The following LOXL4 variants were observed in gnomAD, a reference collection of about 807,000 sequenced individuals.
The protein encoded by LOXL4 is lysyl oxidase homolog 4.
Under a neutral mutation model 89.1 loss-of-function variants are expected in LOXL4, and 72 were observed. That is an observed-to-expected ratio of 0.81 (90% CI 0.67 to 0.98). The LOEUF (loss-of-function observed/expected upper bound fraction) is 0.98. Ranked by LOEUF, LOXL4 falls within the 50% of genes least tolerant of loss-of-function variation. The pLI is 0.00. For missense variants in LOXL4, 984 were observed against 1,017.5 expected, an observed-to-expected ratio of 0.97 and a Z score of 0.45; for synonymous variants, 355 against 392.1, an observed-to-expected ratio of 0.91 and a Z score of 1.12.
At chr10:98,254,562 G>T (rs191650226) in intron 10 of LOXL4, among the ~76,000 whole-genome samples, 1 of 152,366 alleles carries the variant, frequency 6.6e-6, no homozygotes, top group African/African-American at 2.4e-5. Flanking sequence ...AATGAGAAGA[G>T]AGAGTAAAGG....
chr10:98,255,341 C>T lies in LOXL4; in HGVS notation c.1591+236G>A, dbSNP rs370711927. ...AACCCAAAGTTGAAAACCGCCGTTC[C>T]GTGTCCTTGTGCTTCCTCATGTTCT... On this transcript the variant is annotated intron_variant, in intron 10 of 14. Transcript: ENST00000260702. Among the ~76,000 whole-genome samples, 7 of 152,330 alleles carry T rather than the reference C, an allele frequency of 4.6e-5. 1 individual carries two copies. In the South Asian group the frequency reaches 1.2e-3, roughly 27 times the overall value.
At chr10:98,263,817 C>T (rs1413209084) in intron 1 of LOXL4, among the ~76,000 whole-genome samples, 10 of 151,606 alleles carry the variant, frequency 6.6e-5, no homozygotes, top group East Asian at 5.8e-4. Context: ...CTGCAACCTC[C>T]GCCTCCCAGG....
At chr10:98,250,150 G>A (rs1277546931) in intron 14 of LOXL4, among the ~76,000 whole-genome samples, 2 of 152,282 alleles carry the variant, frequency 1.3e-5, no homozygotes, top group Non-Finnish European at 2.9e-5. Flanking sequence ...GACTGGATTC[G>A]GGTGACGCCT....
intron 14 of LOXL4, among the ~76,000 whole-genome samples, chr10:98,249,771 C>T (rs1479048366): frequency 6.6e-6 from 1 of 152,204 alleles, no homozygotes; most frequent in Non-Finnish European, 1.5e-5. Flanking sequence ...GGAGGATCTG[C>T]TGTCTCCGTG....
In LOXL4 at chr10:98,257,976, C is replaced by G; in HGVS notation, c.1105+5G>C. On this transcript the variant is annotated splice_donor_5th_base_variant and intron_variant, in intron 7 of 14. Transcript: ENST00000260702. ...TTCTAACCCCTCCCAGGCTGTCTCACTCACCTTGGCCCAGCCGGGCCCCAA... is the reference window on the plus strand; with the variant it reads ...TTCTAACCCCTCCCAGGCTGTCTCAGTCACCTTGGCCCAGCCGGGCCCCAA... 3 of 1,613,494 alleles carry G rather than the reference C, an allele frequency of 1.9e-6. No homozygotes were observed. Among genetic ancestry groups the G allele is most frequent in the South Asian group, 2.2e-5 (2 of 91,038 alleles).
At chr10:98,253,884 G>A in intron 10 of LOXL4, 88 bp from the exon 11 acceptor site, 1 of 1,551,932 alleles carries the variant, frequency 6.4e-7, no homozygotes, top group Non-Finnish European at 8.7e-7. Context: ...CTTGCCCCCA[G>A]ATTAAACCCT....
intron 2 of LOXL4, 93 bp downstream of exon 2, chr10:98,262,650 G>C: frequency 6.9e-7 from 1 of 1,457,386 alleles, no homozygotes; most frequent in Non-Finnish European, 9.4e-7. Flanking sequence ...CACATGAGCA[G>C]GGTATTAAAG....
chr10:98,258,283 G>A lies in LOXL4; in HGVS notation c.922-119C>T, dbSNP rs186648474. On this transcript the variant is annotated intron_variant, in intron 6 of 14. Coordinates refer to ENST00000260702, the MANE Select transcript of LOXL4 (RefSeq NM_032211.7). The stretch of plus-strand genomic sequence containing the variant: ...GTTCCATGGCGGTGGCCAGAGCCAA[G>A]GATGGGGAGTTCCAGTCCTGCTTCT... The A allele has an allele frequency of 8.9e-4, 910 of 1,020,298 alleles. 1 individual carries two copies. Among genetic ancestry groups the A allele is most frequent in the Non-Finnish European group, 1.1e-3 (782 of 718,980 alleles). The allele number at this position is 1,020,298 out of a possible 1,614,324, so 63.2% of individuals were successfully genotyped here.
At position 98,257,985 on chromosome 10, in the gene LOXL4, G is replaced by A. The variant is rs1361136767; in HGVS notation, c.1101C>T (p.Gly367=). ...AREALFGARL[G]QGLGPIHLSE... The stretch of plus-strand genomic sequence containing the variant: ...CTCCCAGGCTGTCTCACTCACCTTG[G>A]CCCAGCCGGGCCCCAAAGAGGGCCT... The change falls in exon 7 of 15, where the codon GGC becomes GGT. Residue 367 remains glycine, a synonymous_variant. Coordinates refer to ENST00000260702, the MANE Select transcript of LOXL4 (RefSeq NM_032211.7). The A allele has an allele frequency of 3.7e-6, 6 of 1,613,660 alleles. No individual in the cohort carries two copies. The East Asian group carries it at 1.1e-4, about 30-fold the overall frequency.
chr10:98,257,578 G>A (rs1258315068), intron 8 of LOXL4, 72 bp downstream of exon 8: 10 of 1,528,746 alleles, frequency 6.5e-6, no homozygotes, highest in African/African-American at 2.7e-5. Context: ...CCGCTAGCTC[G>A]ATGTGGTGTC....
intron 5 of LOXL4, 31 bp from the exon 6 acceptor site, chr10:98,259,259 A>C (rs756379943): frequency 1.3e-6 from 2 of 1,599,400 alleles, no homozygotes; most frequent in East Asian, 4.5e-5. Flanking sequence ...AGGGTGGAGG[A>C]AGGGCTGAGG....
intron 11 of LOXL4, 144 bp downstream of exon 11, chr10:98,253,409 C>T: frequency 8.6e-7 from 1 of 1,166,700 alleles, no homozygotes; most frequent in Non-Finnish European, 1.2e-6. Context: ...GCTGTCCTCA[C>T]TGCCTCCTGC....
At chr10:98,254,282 C>T (rs896445259) in intron 10 of LOXL4, among the ~76,000 whole-genome samples, 1 of 152,230 alleles carries the variant, frequency 6.6e-6, no homozygotes, top group African/African-American at 2.4e-5. Flanking sequence ...TCAAAAAGCT[C>T]TGCTGATACC....
chr10:98,253,447 C>A, intron 11 of LOXL4, 106 bp downstream of exon 11: 1 of 1,509,976 alleles, frequency 6.6e-7, no homozygotes, highest in African/African-American at 1.4e-5. Context: ...AGAGCGCACA[C>A]CCCTCCCAGG....
chr10:98,260,912 G>C lies in LOXL4; in HGVS notation c.662+10C>G. 1 of 1,602,322 alleles carries C rather than the reference G, an allele frequency of 6.2e-7. No homozygotes were observed. The highest frequency in any genetic ancestry group is 8.5e-7 in the Non-Finnish European group (1 of 1,174,668). On this transcript the variant is annotated intron_variant, in intron 4 of 14. Transcript: ENST00000260702. ...GCCTCCTGTGGGGCCTACGCCAGCC[G>C]CCCTCCTACCTGTAGTAGTGGCTGT...
rs376024211 is a variant in LOXL4, at chr10:98,258,044, C to T, written c.1042G>A (p.Val348Met). Residue 348 changes from valine (V) to methionine (M), a missense_variant, in exon 7 of 15, where the codon GTG becomes ATG. Val to Met is a conservative substitution (Grantham distance 21). Coordinates refer to ENST00000260702, the MANE Select transcript of LOXL4 (RefSeq NM_032211.7). ...GAGCCAAAGCCCAGCTGACGACACA[C>T]GACACTGGCAGAGATGAGGTTCCAC... is the stretch of plus-strand genomic sequence containing the variant. The part of the protein sequence containing the change: ...HRWNLISASV[V>M]CRQLGFGSAR... The T allele has an allele frequency of 1.9e-4, 309 of 1,613,908 alleles. 1 individual carries two copies. The East Asian group carries it at 6.0e-3, about 32-fold the overall frequency.
In LOXL4 at chr10:98,251,630, C is replaced by A. The variant is rs199733612; in HGVS notation, c.2024G>T (p.Arg675Leu). ...GVTVGCWDTY[R>L]HDIDCQWVDI... Reference sequence around the variant, plus strand: ...CACCCACTGGCAATCAATGTCATGCCGGTAGGTGTCCCAGCAGCCTACAGT... The same window carrying A: ...CACCCACTGGCAATCAATGTCATGCAGGTAGGTGTCCCAGCAGCCTACAGT... Residue 675 changes from arginine (R) to leucine (L), a missense_variant, in exon 13 of 15, where the codon CGG (arginine) becomes CTG (leucine). Arg to Leu is a moderately radical substitution (Grantham distance 102). Coordinates refer to ENST00000260702, the MANE Select transcript of LOXL4 (RefSeq NM_032211.7). 1 of 1,614,220 alleles carries A rather than the reference C, an allele frequency of 6.2e-7. No homozygotes were observed. The highest frequency in any genetic ancestry group is 8.5e-7 in the Non-Finnish European group (1 of 1,180,044).
chr10:98,256,952 A>G lies in LOXL4; in HGVS notation c.1261-5T>C. The G allele has an allele frequency of 6.2e-7, 1 of 1,613,644 alleles. No individual in the cohort carries two copies. The highest frequency in any genetic ancestry group is 1.1e-5 in the South Asian group (1 of 91,004). The stretch of plus-strand genomic sequence containing the variant: ...ACGCCCACCAGCCAAGCGCACCTGC[A>G]ATGGCGAGGGGTGTGTGAGGAGTGG... On this transcript the variant is annotated splice_region_variant and splice_polypyrimidine_tract_variant and intron_variant, in intron 8 of 14. Transcript: ENST00000260702.
At chr10:98,249,266 TAGGA>T (rs1858122977) in intron 14 of LOXL4, among the ~76,000 whole-genome samples, 1 of 152,206 alleles carries the variant, frequency 6.6e-6, no homozygotes, top group African/African-American at 2.4e-5. Flanking sequence ...CTCTGTGCCC[TAGGA>T]AGCTGATGCC....
Sources: allele counts gnomAD v4.1 joint callset (sites outside exome capture counted in the v4.1 genomes callset), GRCh38; gene constraint gnomAD v4.1.1; transcripts MANE v1.5; gene names NCBI Gene and HGNC (gene_info 2026-07-23, HGNC 2026-07-21).